The following BRCA1 variants were observed in gnomAD, a reference collection of about 807,000 sequenced individuals.
BRCA1 encodes the protein breast cancer type 1 susceptibility protein.
BRCA1 carries 140 observed loss-of-function variants against 173.7 expected under a neutral mutation model. That is an observed-to-expected ratio of 0.81 (90% confidence interval 0.70 to 0.93). The LOEUF is 0.93. Among genes scored for constraint, BRCA1 ranks in the 40% least tolerant of loss-of-function variants. The pLI, the probability that BRCA1 is intolerant of heterozygous loss-of-function variation, is 0.00. For synonymous variants in BRCA1, 662 were observed against 756.0 expected (o/e 0.88, Z 2.04); for missense variants, 1,983 against 2,172.5 (o/e 0.91, Z 1.73).
upstream of BRCA1, among the ~76,000 whole-genome samples, chr17:43,130,018 A>G (rs934356591): frequency 6.6e-6 from 1 of 152,084 alleles, no homozygotes; most frequent in East Asian, 1.9e-4. Flanking sequence ...CTGGGGGATA[A>G]TTATCTTAGG....
intron 3 of BRCA1, among the ~76,000 whole-genome samples, chr17:43,114,483 T>C (rs961378553): frequency 6.6e-6 from 1 of 151,608 alleles, no homozygotes; most frequent in African/African-American, 2.4e-5. Context: ...ATGGACTATC[T>C]TCCCAGAAAA....
intron 12 of BRCA1, among the ~76,000 whole-genome samples, chr17:43,077,551 C>T (rs2052793650): frequency 6.6e-6 from 1 of 151,976 alleles, no homozygotes; most frequent in African/African-American, 2.4e-5. Flanking sequence ...TCAGGCTAGT[C>T]TCGAACTCCT....
chr17:43,163,288 A>AT (rs900855762), intron 1 of BRCA1: 14 of 152,246 alleles, frequency 9.2e-5, no homozygotes, highest in Admixed American at 1.3e-4. Flanking sequence ...TCCAACTGCC[A>AT]TTTTTTCTCT....
intron 21 of BRCA1, among the ~76,000 whole-genome samples, chr17:43,048,609 C>A (rs111562683): frequency 6.6e-6 from 1 of 151,472 alleles, no homozygotes; most frequent in African/African-American, 2.4e-5. Context: ...CTGCCTCCCA[C>A]GTTCAAGCGA....
intron 1 of BRCA1, chr17:43,168,165 C>T: frequency 5.2e-6 from 2 of 385,294 alleles, no homozygotes; most frequent in Middle Eastern, 4.2e-4. Flanking sequence ...CTTCTGGTGA[C>T]TTACCAGATT....
chr17:43,139,039 T>C lies in BRCA1; in HGVS notation c.-19-14924A>G. 3 of 732,232 alleles carry C rather than the reference T, an allele frequency of 4.1e-6. No homozygotes were observed. In the South Asian group the frequency reaches 4.4e-5, roughly 11 times the overall value. The allele number at this position is 732,232 out of a possible 1,614,324, so 45.4% of individuals were successfully genotyped here. A position where few individuals can be genotyped will look rare whatever the true frequency, so the allele number is the denominator to read the frequency against. On this transcript the variant is annotated intron_variant, in intron 1 of 7. Transcript: ENST00000634433. The stretch of plus-strand genomic sequence containing the variant: ...ACAACCCCTTTTTGTTTGAAATATC[T>C]AGAGTAATTTCTGTTTTCCTATCTG...
At chr17:43,099,005 T>G (rs1315793840) in intron 7 of BRCA1, among the ~76,000 whole-genome samples, 2 of 147,324 alleles carry the variant, frequency 1.4e-5, no homozygotes, top group Non-Finnish European at 1.5e-5. Flanking sequence ...TTTTTTTTAG[T>G]AGAGATGGGG....
At chr17:43,069,290 T>TG (rs369838168) in intron 15 of BRCA1, among the ~76,000 whole-genome samples, 18 of 152,358 alleles carry the variant, frequency 1.2e-4, no homozygotes, top group African/African-American at 4.3e-4. Flanking sequence ...CATCTTAATA[T>TG]GGGCTTCAGA....
At chr17:43,125,376 G>A (rs148196794), upstream of BRCA1, 93 of 411,402 alleles carry the variant, frequency 2.3e-4, no homozygotes, top group East Asian at 6.6e-3. Flanking sequence ...AGCTCACGCC[G>A]CGCAGTCGCA....
At chr17:43,114,454 G>C (rs1466648551) in intron 3 of BRCA1, among the ~76,000 whole-genome samples, 1 of 148,602 alleles carries the variant, frequency 6.7e-6, no homozygotes, top group Non-Finnish European at 1.5e-5. Context: ...CATGATCTTA[G>C]CTCACTCAGA....
intron 2 of BRCA1, among the ~76,000 whole-genome samples, chr17:43,122,590 G>A (rs982880644): frequency 3.9e-5 from 6 of 152,140 alleles, no homozygotes; most frequent in African/African-American, 1.2e-4. Flanking sequence ...GTCTGGAAAT[G>A]AAAAGGTGGT....
At chr17:43,130,225 A>G (rs2055953996), upstream of BRCA1, among the ~76,000 whole-genome samples, 1 of 152,188 alleles carries the variant, frequency 6.6e-6, no homozygotes, top group Admixed American at 6.5e-5. Flanking sequence ...TTTGTTGCCC[A>G]GGCTGGTCTT....
intron 21 of BRCA1, among the ~76,000 whole-genome samples, chr17:43,048,056 C>T (rs910755584): frequency 6.6e-6 from 1 of 150,686 alleles, no homozygotes; most frequent in Admixed American, 6.6e-5. Flanking sequence ...CCAGCCTTGG[C>T]TAATTTTTAA....
In BRCA1 at chr17:43,048,312, C is replaced by T. The variant is rs146719936; in HGVS notation, c.5407-609G>A. On this transcript the variant is annotated intron_variant, in intron 21 of 22. Coordinates refer to ENST00000357654, the MANE Select transcript of BRCA1 (RefSeq NM_007294.4). ...CCGCCTCCGGGGTTCAAGCGATTCT[C>T]CTGCCCCAGCCCCTCAAGTAGCTGG... is the stretch of plus-strand genomic sequence containing the variant. 3.3e-3 allele frequency among the ~76,000 whole-genome samples: 496 copies of T among 152,254 alleles called. 5 individuals carry two copies. The highest frequency in any genetic ancestry group is 0.012 in the African/African-American group (486 of 41,546).
chr17:43,112,719 A>G (rs1363812716), intron 3 of BRCA1: 2 of 73,992 alleles, frequency 2.7e-5, no homozygotes, highest in African/African-American at 9.4e-5. Context: ...GACTATCACA[A>G]TCCTGACTAT....
Position 43,092,954 on chromosome 17 carries a change from A to G in BRCA1, c.2577T>C (p.Asn859=), listed in dbSNP as rs1555589344. 1 of 1,613,782 alleles carries G rather than the reference A, an allele frequency of 6.2e-7. No individual in the cohort carries two copies. Among genetic ancestry groups the G allele is most frequent in the Non-Finnish European group, 8.5e-7 (1 of 1,179,888 alleles). ...ESELDAQYLQ[N]TFKVSKRQSF... is the part of the protein sequence containing the mutation. ...ACTGGCGCTTTGAAACCTTGAATGTATTCTGCAAATACTGAGCATCAAGTT... is the reference window on the plus strand; with the variant it reads ...ACTGGCGCTTTGAAACCTTGAATGTGTTCTGCAAATACTGAGCATCAAGTT... The change falls in exon 10 of 23, where the codon AAT becomes AAC. Residue 859 remains asparagine, a synonymous_variant. Coordinates refer to ENST00000357654, the MANE Select transcript of BRCA1 (RefSeq NM_007294.4).
chr17:43,155,279 C>T (rs2056189766), intron 1 of BRCA1, among the ~76,000 whole-genome samples: 1 of 151,718 alleles, frequency 6.6e-6, no homozygotes, highest in African/African-American at 2.4e-5. Context: ...AAGTGATTCT[C>T]CTGCCTCAGC....
chr17:43,070,503 G>T (rs1380351513), intron 15 of BRCA1, among the ~76,000 whole-genome samples: 1 of 152,158 alleles, frequency 6.6e-6, no homozygotes, highest in African/African-American at 2.4e-5. Flanking sequence ...AAACACTAGA[G>T]AAATGCTACT....
At position 43,094,317 on chromosome 17, in the gene BRCA1, G is replaced by C. The variant is rs80357481; in HGVS notation, c.1214C>G (p.Ser405Ter). 6.2e-7 allele frequency: 1 copy of C among 1,614,054 alleles called. No homozygotes were observed. The highest frequency in any genetic ancestry group is 8.5e-7 in the Non-Finnish European group (1 of 1,180,000). ...SDDSHDGESE[S>*]NAKVADVLDV... ...CAATACATCAGCTACTTTGGCATTTGATTCAGACTCCCCATCATGTGAGTC... is the reference window on the plus strand; with the variant it reads ...CAATACATCAGCTACTTTGGCATTTCATTCAGACTCCCCATCATGTGAGTC... Residue 405 changes from serine to a stop codon, truncating the protein, a stop_gained, in exon 10 of 23, where the codon TCA becomes TGA. Transcript: ENST00000357654. LOFTEE classifies it high-confidence loss of function.
Sources: allele counts gnomAD v4.1 joint callset (sites outside exome capture counted in the v4.1 genomes callset), GRCh38; gene constraint gnomAD v4.1.1; transcripts MANE v1.5; gene names NCBI Gene and HGNC (gene_info 2026-07-23, HGNC 2026-07-21).